The following GBE1 variants were observed in gnomAD, a reference collection of about 807,000 sequenced individuals.
GBE1 encodes 1,4-alpha-glucan branching enzyme 1, also known as 1,4-alpha-glucan-branching enzyme.
A neutral mutation model predicts 88.8 loss-of-function variants in GBE1; 70 were observed. The observed-to-expected ratio is 0.79, with a 90% CI of 0.65 to 0.96. GBE1 has a LOEUF of 0.96. Among genes scored for constraint, GBE1 ranks in the 40% least tolerant of loss-of-function variants. GBE1 has a pLI of 0.00. For synonymous variants in GBE1, 284 were observed against 300.1 expected, an observed-to-expected ratio of 0.95 and a Z score of 0.56; for missense variants, 872 against 871.0, an observed-to-expected ratio of 1.00 and a Z score of -0.01.
intron 1 of GBE1, among the ~76,000 whole-genome samples, chr3:81,714,425 CTT>C (rs1184841427): frequency 1.3e-5 from 2 of 152,096 alleles, no homozygotes; most frequent in Non-Finnish European, 2.9e-5. Flanking sequence ...TGTACCTAAA[CTT>C]TTTAGCACAA....
At chr3:81,691,674 G>A (rs1347629049) in intron 2 of GBE1, among the ~76,000 whole-genome samples, 1 of 152,066 alleles carries the variant, frequency 6.6e-6, no homozygotes, top group Non-Finnish European at 1.5e-5. Context: ...AGCTACTCTG[G>A]AAGCTGAGGC....
chr3:81,627,697 T>C (rs2107026092), intron 7 of GBE1, among the ~76,000 whole-genome samples: 1 of 151,410 alleles, frequency 6.6e-6, no homozygotes, highest in East Asian at 1.9e-4. Context: ...GAAACAATAC[T>C]AATTCTTATA....
chr3:81,728,493 AG>A (rs1417331977), intron 1 of GBE1, among the ~76,000 whole-genome samples: 1 of 152,220 alleles, frequency 6.6e-6, no homozygotes, highest in Non-Finnish European at 1.5e-5. Context: ...CAAGAGAGGC[AG>A]GTAATAACAG....
chr3:81,604,067 T>C (rs1704068685), intron 7 of GBE1, among the ~76,000 whole-genome samples: 1 of 152,114 alleles, frequency 6.6e-6, no homozygotes. Context: ...TCTTATTTTT[T>C]ATATGAATGC....
chr3:81,651,326 T>C (rs950340801), intron 3 of GBE1, among the ~76,000 whole-genome samples: 1 of 152,190 alleles, frequency 6.6e-6, no homozygotes, highest in Admixed American at 6.5e-5. Context: ...CTCACTTCTC[T>C]TCTCTGAACA....
chr3:81,612,113 A>G (rs1704189409), intron 7 of GBE1: 1 of 278,378 alleles, frequency 3.6e-6, no homozygotes, highest in East Asian at 8.9e-5. Context: ...AAATTATAGG[A>G]ATATTAGAAC....
intron 14 of GBE1, among the ~76,000 whole-genome samples, chr3:81,526,465 GAA>G (rs1340073580): frequency 3.3e-5 from 5 of 152,100 alleles, no homozygotes; most frequent in Admixed American, 2.6e-4. Flanking sequence ...TGTATATCTA[GAA>G]AACCCCATTG....
At chr3:81,647,247 C>T (rs1215173389) in intron 5 of GBE1, among the ~76,000 whole-genome samples, 5 of 152,102 alleles carry the variant, frequency 3.3e-5, no homozygotes, top group East Asian at 1.9e-4. Context: ...CGTGAGCCAC[C>T]GCGCCCAGCC....
chr3:81,523,800 TC>T (rs1482626044), intron 14 of GBE1, among the ~76,000 whole-genome samples: 5 of 151,848 alleles, frequency 3.3e-5, no homozygotes, highest in Non-Finnish European at 7.4e-5. Flanking sequence ...GACCTCCAGT[TC>T]CATCCATATT....
chr3:81,524,178 GA>G (rs1297904889), intron 14 of GBE1, among the ~76,000 whole-genome samples: 1 of 151,662 alleles, frequency 6.6e-6, no homozygotes, highest in Non-Finnish European at 1.5e-5. Flanking sequence ...CTGTCTTTTG[GA>G]AAAAAGTTAT....
intron 7 of GBE1, among the ~76,000 whole-genome samples, chr3:81,629,336 T>C (rs1386203483): frequency 1.3e-5 from 2 of 151,600 alleles, no homozygotes; most frequent in African/African-American, 4.9e-5. Context: ...ATTTCATCCA[T>C]GTCCCTACAA....
At chr3:81,557,067 G>A (rs1302669964) in intron 12 of GBE1, among the ~76,000 whole-genome samples, 1 of 151,948 alleles carries the variant, frequency 6.6e-6, no homozygotes, top group Non-Finnish European at 1.5e-5. Context: ...TGAAGTTGAG[G>A]CACAGAAAAA....
Position 81,761,642 on chromosome 3 carries a change from G to C in GBE1, c.-125C>G. On this transcript the variant is annotated 5_prime_UTR_variant, in exon 1 of 16. Coordinates refer to ENST00000429644, the MANE Select transcript of GBE1 (RefSeq NM_000158.4). ...AGGGCGCCTAGGCGTGTCGAGGCAA[G>C]CCGAGGCGAGCCGCGGCGGTCCGGG... 2 of 1,192,056 alleles carry C rather than the reference G, an allele frequency of 1.7e-6. No individual in the cohort carries two copies. Among genetic ancestry groups the C allele is most frequent in the Non-Finnish European group, 2.3e-6 (2 of 872,578 alleles). 73.8% of individuals were successfully genotyped at this position (1,192,056 alleles called of 1,614,324 possible).
intron 1 of GBE1, among the ~76,000 whole-genome samples, chr3:81,737,872 A>G (rs2107214205): frequency 1.3e-5 from 2 of 152,290 alleles, no homozygotes; most frequent in Middle Eastern, 6.8e-3. Context: ...ATCTAGCATT[A>G]GGTATATCTC....
chr3:81,566,838 T>C (rs905307165), intron 12 of GBE1, among the ~76,000 whole-genome samples: 2 of 152,200 alleles, frequency 1.3e-5, no homozygotes, highest in East Asian at 3.8e-4. Context: ...CACTTGTGCT[T>C]TGGAACTACA....
At chr3:81,617,931 G>A (rs1704272731) in intron 7 of GBE1, among the ~76,000 whole-genome samples, 1 of 151,952 alleles carries the variant, frequency 6.6e-6, no homozygotes, top group South Asian at 2.1e-4. Flanking sequence ...TTCAGATTTG[G>A]TAAGTTGTGG....
chr3:81,543,835 T>A (rs941015860), intron 12 of GBE1, among the ~76,000 whole-genome samples: 10 of 152,138 alleles, frequency 6.6e-5, no homozygotes, highest in Non-Finnish European at 1.3e-4. Context: ...GCAAACAATA[T>A]GATCTGAATC....
At chr3:81,526,264 A>G (rs950163416) in intron 14 of GBE1, among the ~76,000 whole-genome samples, 1 of 152,028 alleles carries the variant, frequency 6.6e-6, no homozygotes, top group Non-Finnish European at 1.5e-5. Flanking sequence ...AGCCAATATC[A>G]TACTGAATGG....
intron 3 of GBE1, among the ~76,000 whole-genome samples, chr3:81,659,405 G>A (rs1576189051): frequency 2.7e-5 from 4 of 150,032 alleles, no homozygotes; most frequent in Admixed American, 1.3e-4. Flanking sequence ...GCGTGATCTC[G>A]CCTCACTGCA....
Sources: gnomAD v4.1 joint callset for allele counts (sites outside exome capture counted in the v4.1 genomes callset) on GRCh38, gnomAD v4.1.1 for gene constraint, MANE v1.5 for transcripts, NCBI Gene and HGNC (gene_info 2026-07-23, HGNC 2026-07-21) for gene names.